The following KDM4C variants were observed in gnomAD, a reference collection of about 807,000 sequenced individuals.
The protein encoded by KDM4C is lysine-specific demethylase 4C.
Under a neutral mutation model 129.3 loss-of-function variants are expected in KDM4C, and 81 were observed. The ratio of observed to expected loss-of-function variants is 0.63; its 90% CI spans 0.52 to 0.75. KDM4C has a LOEUF of 0.75. Ranked by LOEUF, KDM4C falls within the 30% of genes least tolerant of loss-of-function variation. KDM4C has a pLI of 0.00. For synonymous variants in KDM4C, 573 were observed against 456.1 expected (o/e 1.26, Z -3.26); for missense variants, 1,457 against 1,304.0 (o/e 1.12, Z -1.81).
In KDM4C at chr9:7,172,660, C is replaced by T. The variant is rs113888368; in HGVS notation, c.2995-1893C>T. 7.8e-3 allele frequency among the ~76,000 whole-genome samples: 1,192 copies of T among 152,268 alleles called. 17 individuals are homozygous for T. Among genetic ancestry groups the T allele is most frequent in the African/African-American group, 0.027 (1,114 of 41,520 alleles). ...GGAAGCCGTGGAGGTGGCCTGTTACCCTGAGTAACTGTCCCATGAACTGGC... is the reference window on the plus strand; with the variant it reads ...GGAAGCCGTGGAGGTGGCCTGTTACTCTGAGTAACTGTCCCATGAACTGGC... On this transcript the variant is annotated intron_variant, in intron 21 of 21. Coordinates refer to ENST00000381309, the MANE Select transcript of KDM4C (RefSeq NM_015061.6).
At chr9:7,088,751 C>A (rs1356046084) in intron 17 of KDM4C, among the ~76,000 whole-genome samples, 1 of 152,126 alleles carries the variant, frequency 6.6e-6, no homozygotes, top group Non-Finnish European at 1.5e-5. Flanking sequence ...ATTTTCCATG[C>A]CTCATCTGTC....
At chr9:6,760,426 G>C (rs1007705354) in intron 1 of KDM4C, among the ~76,000 whole-genome samples, 5 of 143,296 alleles carry the variant, frequency 3.5e-5, no homozygotes, top group South Asian at 2.2e-4. Context: ...GTGTGGACGC[G>C]TGTTTTCTCT....
chr9:6,992,596 G>A (rs926517600), intron 12 of KDM4C, among the ~76,000 whole-genome samples: 5 of 152,094 alleles, frequency 3.3e-5, no homozygotes, highest in African/African-American at 1.2e-4. Flanking sequence ...TACATCATTG[G>A]GAACTTGAAT....
rs932437835 is a variant in KDM4C at position 6,740,986 on chromosome 9, G to C, written c.49+19989G>C. Among the ~76,000 whole-genome samples the C allele has an allele frequency of 2.1e-5, 3 of 143,940 alleles. No individual in the cohort carries two copies. The Admixed American group carries it at 2.1e-4, about 10-fold the overall frequency. 94.4% of individuals were successfully genotyped at this position (143,940 alleles called of 152,430 possible). ...ACTACAGACGCATGCCACCATGCCTGGCTAATTTTTGTATTTTTAGTAGAG... is the reference window on the plus strand; with the variant it reads ...ACTACAGACGCATGCCACCATGCCTCGCTAATTTTTGTATTTTTAGTAGAG... On this transcript the variant is annotated intron_variant, in intron 1 of 17. Transcript: ENST00000536108.
At chr9:7,008,950 C>T (rs1409490857) in intron 12 of KDM4C, among the ~76,000 whole-genome samples, 1 of 152,196 alleles carries the variant, frequency 6.6e-6, no homozygotes, top group African/African-American at 2.4e-5. Flanking sequence ...TCTTCAAATG[C>T]ATGGATACCA....
rs116926165 is a variant in KDM4C, at chr9:6,851,192, C to T, written c.629+1492C>T. 5.6e-3 allele frequency among the ~76,000 whole-genome samples: 853 copies of T among 152,150 alleles called. 13 individuals carry two copies. Among genetic ancestry groups the T allele is most frequent in the East Asian group, 0.048 (249 of 5,174 alleles). On this transcript the variant is annotated intron_variant, in intron 5 of 21. Coordinates refer to ENST00000381309, the MANE Select transcript of KDM4C (RefSeq NM_015061.6). Reference sequence around the variant, plus strand: ...TGGAGTCTTAGTGTGTTGTCCAGGCCGGTGCTGACCTCCTGGGCTCAAGTG... The same window carrying T: ...TGGAGTCTTAGTGTGTTGTCCAGGCTGGTGCTGACCTCCTGGGCTCAAGTG...
chr9:7,168,420 C>T (rs1026622315), intron 20 of KDM4C, among the ~76,000 whole-genome samples: 1 of 152,082 alleles, frequency 6.6e-6, no homozygotes, highest in African/African-American at 2.4e-5. Context: ...GTTTTGTTTC[C>T]TGCTAGATTA....
At chr9:6,826,815 T>C (rs6477113) in intron 4 of KDM4C, among the ~76,000 whole-genome samples, 62,696 of 150,596 alleles carry the variant, frequency 0.42, 13,259 homozygotes, top group East Asian at 0.61. Context: ...TGCAATGAGC[T>C]GAGATCGCGC....
At chr9:6,996,277 A>C (rs1411616606) in intron 12 of KDM4C, among the ~76,000 whole-genome samples, 1 of 152,218 alleles carries the variant, frequency 6.6e-6, no homozygotes, top group African/African-American at 2.4e-5. Context: ...CCTTGAAGTG[A>C]CGTTGGGCTA....
intron 17 of KDM4C, among the ~76,000 whole-genome samples, chr9:7,093,391 A>ATATATATATTATTAT (rs1836034072): frequency 2.0e-5 from 3 of 152,206 alleles, no homozygotes; most frequent in African/African-American, 7.2e-5. Flanking sequence ...ATAAAATAAC[A>ATATATATATTATTAT]ACACGAAAAA....
rs192140402 is a variant in KDM4C at position 6,776,848 on chromosome 9, C to T, written c.-17-16124C>T. Among the ~76,000 whole-genome samples the T allele has an allele frequency of 1.8e-3, 264 of 144,610 alleles. 3 individuals are homozygous for T. Among genetic ancestry groups the T allele is most frequent in the African/African-American group, 5.7e-3 (223 of 39,184 alleles). 94.9% of individuals were successfully genotyped at this position (144,610 alleles called of 152,430 possible). A position where few individuals can be genotyped will look rare whatever the true frequency, so the allele number is the denominator to read the frequency against. ...CAAACTCCTGACCTCATGATCCACC[C>T]GCCTCGGCCTCCCAAAGTGCTGGGA... On this transcript the variant is annotated intron_variant, in intron 1 of 21. Transcript: ENST00000381309.
intron 15 of KDM4C, among the ~76,000 whole-genome samples, chr9:7,044,454 G>A (rs912911301): frequency 6.6e-6 from 1 of 151,858 alleles, no homozygotes; most frequent in East Asian, 1.9e-4. Context: ...AATAGTTTAG[G>A]TCTGGTGAAG....
intron 9 of KDM4C, among the ~76,000 whole-genome samples, chr9:6,983,955 A>T (rs1817227170): frequency 6.6e-6 from 1 of 152,200 alleles, no homozygotes; most frequent in Non-Finnish European, 1.5e-5. Flanking sequence ...CAGTTGTGTG[A>T]ATTTTAAAGT....
chr9:7,136,797 A>G (rs1841256569), intron 19 of KDM4C, among the ~76,000 whole-genome samples: 1 of 152,170 alleles, frequency 6.6e-6, no homozygotes, highest in South Asian at 2.1e-4. Context: ...TTAATAGTGT[A>G]TAAAGAGCAA....
rs558973835 is a variant in KDM4C at position 6,814,346 on chromosome 9, T to A, written c.321-285T>A. 2.0e-5 allele frequency among the ~76,000 whole-genome samples: 3 copies of A among 152,312 alleles called. No homozygotes were observed. In the South Asian group the frequency reaches 6.2e-4, roughly 32 times the overall value. On this transcript the variant is annotated intron_variant, in intron 3 of 21. Coordinates refer to ENST00000381309, the MANE Select transcript of KDM4C (RefSeq NM_015061.6). ...GTTGATTAAAGATTTTAAAAATACT[T>A]TAAAGCTGAAATAATGACTTTTAAA...
intron 11 of KDM4C, among the ~76,000 whole-genome samples, chr9:6,988,786 C>T (rs1818206788): frequency 6.6e-6 from 1 of 151,864 alleles, no homozygotes; most frequent in Admixed American, 6.6e-5. Context: ...CCCCCAGATG[C>T]TCCTCCCCCA....
At position 6,748,695 on chromosome 9, in the gene KDM4C, G is replaced by T. The variant is rs775008721; in HGVS notation, c.49+27698G>T. 9.4e-6 allele frequency: 13 copies of T among 1,387,436 alleles called. No individual in the cohort carries two copies. In the East Asian group the frequency reaches 2.7e-4, roughly 29 times the overall value. The allele number at this position is 1,387,436 out of a possible 1,614,324, so 85.9% of individuals were successfully genotyped here. A position where few individuals can be genotyped will look rare whatever the true frequency, so the allele number is the denominator to read the frequency against. Reference sequence around the variant, plus strand: ...CTTCTCAACAATTTCTCACTTCATTGATCATTTCTAGTTGGAGACACTTTG... The same window carrying T: ...CTTCTCAACAATTTCTCACTTCATTTATCATTTCTAGTTGGAGACACTTTG... On this transcript the variant is annotated intron_variant, in intron 1 of 17. Transcript: ENST00000536108.
chr9:7,158,246 C>T (rs1446213912), intron 19 of KDM4C, among the ~76,000 whole-genome samples: 2 of 151,472 alleles, frequency 1.3e-5, no homozygotes, highest in Admixed American at 6.6e-5. Context: ...TCTCTCTTTT[C>T]TTCTTTACTA....
intron 18 of KDM4C, among the ~76,000 whole-genome samples, chr9:7,112,955 T>C (rs1217098292): frequency 6.6e-6 from 1 of 152,218 alleles, no homozygotes; most frequent in Non-Finnish European, 1.5e-5. Context: ...TTAACAAAGT[T>C]TGTTTTGACC....
Sources: gnomAD v4.1 joint callset for allele counts (sites outside exome capture counted in the v4.1 genomes callset) on GRCh38, gnomAD v4.1.1 for gene constraint, MANE v1.5 for transcripts, NCBI Gene and HGNC (gene_info 2026-07-23, HGNC 2026-07-21) for gene names.